SLC8A1: variants seen among roughly 807,000 people sequenced by gnomAD.
The protein encoded by SLC8A1 is sodium/calcium exchanger 1.
SLC8A1 carries 18 observed loss-of-function variants against 68.3 expected under a neutral mutation model. That is an observed-to-expected ratio of 0.26 (90% CI 0.18 to 0.39). The LOEUF (loss-of-function observed/expected upper bound fraction) is 0.39. Among genes scored for constraint, SLC8A1 ranks in the 10% least tolerant of loss-of-function variants. The pLI is 1.00. For synonymous variants in SLC8A1, 475 were observed against 415.5 expected, an observed-to-expected ratio of 1.14 and a Z score of -1.74; for missense variants, 985 against 1,156.7, an observed-to-expected ratio of 0.85 and a Z score of 2.15.
At chr2:40,203,164 G>A (rs2054730083) in intron 2 of SLC8A1, among the ~76,000 whole-genome samples, 1 of 151,914 alleles carries the variant, frequency 6.6e-6, no homozygotes. Context: ...CTTTGCTCAG[G>A]CCTCCTTAAG....
chr2:40,430,237 A>G, exon 2 of SLC8A1: 3 of 1,613,464 alleles, frequency 1.9e-6, no homozygotes, highest in Non-Finnish European at 2.5e-6. Context: ...ATGAAATCCC[A>G]TTGAAAAGGT....
chr2:40,341,143 CTTTGT>C lies in SLC8A1; in HGVS notation c.1808+87325_1808+87329del, dbSNP rs780395719. ...CCTTGTTTGGTGTGTACTAGCTTTG[CTTTGT>C]GTACTCCCTGGCTCTCTTTGCCTTA... On this transcript the variant is annotated intron_variant, in intron 2 of 7. Coordinates refer to ENST00000406785, the Ensembl canonical transcript of SLC8A1. Among the ~76,000 whole-genome samples, 6 of 152,108 alleles carry C rather than the reference CTTTGT, an allele frequency of 3.9e-5. 1 individual carries two copies. Among genetic ancestry groups the C allele is most frequent in the Admixed American group, 2.6e-4 (4 of 15,264 alleles).
chr2:40,350,913 T>G (rs1268347007), intron 2 of SLC8A1, among the ~76,000 whole-genome samples: 3 of 152,100 alleles, frequency 2.0e-5, no homozygotes, highest in Non-Finnish European at 4.4e-5. Context: ...AATTGGGGCT[T>G]TAAGAGGTTA....
At chr2:40,456,975 T>C (rs1445061532), upstream of SLC8A1, among the ~76,000 whole-genome samples, 1 of 152,108 alleles carries the variant, frequency 6.6e-6, no homozygotes, top group Non-Finnish European at 1.5e-5. Context: ...CATAGTGTGG[T>C]TAGTGATTGA....
exon 8 of SLC8A1, chr2:40,102,741 G>A (rs573927254): frequency 6.6e-6 from 1 of 152,100 alleles, no homozygotes; most frequent in African/African-American, 2.4e-5. Flanking sequence ...AATGCTTATG[G>A]TGCATACTTG....
chr2:40,273,054 T>C (rs868852932), intron 2 of SLC8A1, among the ~76,000 whole-genome samples: 5 of 152,176 alleles, frequency 3.3e-5, no homozygotes, highest in Admixed American at 1.3e-4. Context: ...GTGATTCTCC[T>C]GCCTCAGCCT....
intron 2 of SLC8A1, among the ~76,000 whole-genome samples, chr2:40,291,542 T>G (rs969510174): frequency 6.6e-6 from 1 of 152,056 alleles, no homozygotes; most frequent in African/African-American, 2.4e-5. Flanking sequence ...ACAGTTTTAC[T>G]CAAAGAGGCA....
intron 2 of SLC8A1, among the ~76,000 whole-genome samples, chr2:40,383,738 C>T (rs1682673038): frequency 2.0e-5 from 3 of 151,982 alleles, no homozygotes; most frequent in Non-Finnish European, 4.4e-5. Context: ...ATTTATTTGG[C>T]AAGACACTAT....
At chr2:40,158,275 A>G (rs563893178) in intron 6 of SLC8A1, among the ~76,000 whole-genome samples, 1 of 152,324 alleles carries the variant, frequency 6.6e-6, no homozygotes, top group African/African-American at 2.4e-5. Context: ...CAGCCTAAGA[A>G]TACTGACATT....
intron 2 of SLC8A1, among the ~76,000 whole-genome samples, chr2:40,249,942 G>A (rs541095378): frequency 7.9e-5 from 12 of 152,208 alleles, no homozygotes; most frequent in South Asian, 2.1e-4. Flanking sequence ...GGAAGATACC[G>A]TTATATTAAA....
At chr2:40,118,613 T>TTTTG (rs1266127925) in intron 7 of SLC8A1, 2 of 141,888 alleles carry the variant, frequency 1.4e-5, no homozygotes, top group African/African-American at 5.1e-5. Flanking sequence ...GGAAGTTTTT[T>TTTTG]TTTTTTTTTT....
chr2:40,300,307 C>T (rs1429936777), intron 2 of SLC8A1, among the ~76,000 whole-genome samples: 3 of 152,262 alleles, frequency 2.0e-5, no homozygotes, highest in African/African-American at 7.2e-5. Flanking sequence ...TGTTATCACA[C>T]CCATCTGACA....
chr2:40,479,957 T>A (rs1704528650), intron 1 of SLC8A1, among the ~76,000 whole-genome samples: 1 of 152,198 alleles, frequency 6.6e-6, no homozygotes, highest in Non-Finnish European at 1.5e-5. Context: ...TCTGTTGATA[T>A]AGTTATGAAA....
chr2:40,253,040 A>AGATATGTATACATAT (rs1553453312), intron 2 of SLC8A1, among the ~76,000 whole-genome samples: 1 of 87,724 alleles, frequency 1.1e-5, no homozygotes, highest in Non-Finnish European at 2.5e-5. Flanking sequence ...CATATGTATC[A>AGATATGTATACATAT]GTATATGTAT....
At chr2:40,199,070 C>A (rs1308458154) in intron 2 of SLC8A1, among the ~76,000 whole-genome samples, 5 of 142,920 alleles carry the variant, frequency 3.5e-5, no homozygotes, top group African/African-American at 1.3e-4. Flanking sequence ...ACAGAAAATG[C>A]CAGCTGATAT....
chr2:40,232,598 G>GC (rs2059802060), intron 2 of SLC8A1, among the ~76,000 whole-genome samples: 2 of 133,606 alleles, frequency 1.5e-5, no homozygotes, highest in African/African-American at 2.9e-5. Flanking sequence ...TTTGTATTCT[G>GC]TTTTTTTTTT....
rs560309555 is a variant in SLC8A1 at position 40,258,931 on chromosome 2, A to T, written c.1809-81076T>A. ...GTTGTAATTGAACCAGAAAGAAAAT[A>T]AAAAAAAAAAAAGGAAATACTTTTC... On this transcript the variant is annotated intron_variant, in intron 2 of 7. Coordinates refer to ENST00000406785, the Ensembl canonical transcript of SLC8A1. Among the ~76,000 whole-genome samples, 86 of 89,746 alleles carry T rather than the reference A, an allele frequency of 9.6e-4. 1 individual carries two copies. In the South Asian group the frequency reaches 0.016, roughly 17 times the overall value. 58.9% of individuals were successfully genotyped at this position (89,746 alleles called of 152,430 possible). A position where few individuals can be genotyped will look rare whatever the true frequency, so the allele number is the denominator to read the frequency against.
chr2:40,258,795 T>C (rs1429660774), intron 2 of SLC8A1, among the ~76,000 whole-genome samples: 3 of 152,082 alleles, frequency 2.0e-5, no homozygotes, highest in East Asian at 1.9e-4. Context: ...TGAGGCAACA[T>C]TGCGCCACTG....
chr2:40,383,291 G>A lies in SLC8A1; in HGVS notation c.1808+45182C>T, dbSNP rs535208369. 3.9e-4 allele frequency among the ~76,000 whole-genome samples: 60 copies of A among 151,936 alleles called. No individual in the cohort carries two copies. In the South Asian group the frequency reaches 0.011, roughly 28 times the overall value. The stretch of plus-strand genomic sequence containing the variant: ...TGTCACTTAGTAACTTTTACATACC[G>A]GAACAAATTTGATATATGTTTTTTG... On this transcript the variant is annotated intron_variant, in intron 2 of 7. Transcript: ENST00000406785.
Sources: allele counts gnomAD v4.1 joint callset (sites outside exome capture counted in the v4.1 genomes callset), GRCh38; gene constraint gnomAD v4.1.1; transcripts MANE v1.5; gene names NCBI Gene and HGNC (gene_info 2026-07-23, HGNC 2026-07-21).